The following NT5C1B variants were observed in gnomAD, a reference collection of about 807,000 sequenced individuals.
NT5C1B encodes the protein cytosolic 5'-nucleotidase 1B.
Under a neutral mutation model 57.8 loss-of-function variants are expected in NT5C1B, and 44 were observed. The observed-to-expected ratio is 0.76, with a 90% confidence interval of 0.60 to 0.98. The LOEUF is 0.98. Among genes scored for constraint, NT5C1B ranks in the 50% least tolerant of loss-of-function variants. The pLI is 0.00. For synonymous variants in NT5C1B, 284 were observed against 282.6 expected (o/e 1.00, Z -0.05); for missense variants, 742 against 719.5 (o/e 1.03, Z -0.36).
chr2:18,563,859 A>C lies in NT5C1B; in HGVS notation c.1590T>G (p.Ile530Met), dbSNP rs753661424. The C allele has an allele frequency of 5.6e-6, 9 of 1,612,700 alleles. No individual in the cohort carries two copies. In the Admixed American group the frequency reaches 1.2e-4, roughly 21 times the overall value. Residue 530 changes from isoleucine (I) to methionine (M), a missense_variant, in exon 9 of 9, where the codon ATT (isoleucine) becomes ATG (methionine). By Grantham distance (10) the Ile-to-Met change is conservative. Transcript: ENST00000304081. ...TGGAACCTAACCTCTGTGCCCCTTC[A>C]ATGTGGAACATGTGGTCATCAAAGA...
chr2:18,571,708 C>CTGTGTG lies in NT5C1B; in HGVS notation c.1329+4470_1329+4475dup, dbSNP rs1381694139. Among the ~76,000 whole-genome samples the CTGTGTG allele has an allele frequency of 5.8e-3, 545 of 94,202 alleles. 8 individuals are homozygous for CTGTGTG. Among genetic ancestry groups the CTGTGTG allele is most frequent in the African/African-American group, 0.014 (240 of 17,560 alleles). The allele number at this position is 94,202 out of a possible 152,430, so 61.8% of individuals were successfully genotyped here. On this transcript the variant is annotated intron_variant, in intron 8 of 8. Transcript: ENST00000304081. ...GACTGTACTCTCTCTCTCTTTCTCT[C>CTGTGTG]TGTGTGTGTGTATATATATATATAT...
chr2:18,582,565 C>T (rs1485063110), intron 6 of NT5C1B, among the ~76,000 whole-genome samples: 2 of 152,182 alleles, frequency 1.3e-5, no homozygotes, highest in East Asian at 3.8e-4. Flanking sequence ...TTGACGGCTT[C>T]TTGAAGTCAA....
At chr2:18,582,092 A>G (rs533280571) in intron 6 of NT5C1B, among the ~76,000 whole-genome samples, 42 of 152,312 alleles carry the variant, frequency 2.8e-4, no homozygotes, top group African/African-American at 9.9e-4. Flanking sequence ...TCTATGTTAA[A>G]TTTTTATGTT....
At chr2:18,580,887 T>G (rs1300210072) in intron 6 of NT5C1B, among the ~76,000 whole-genome samples, 4 of 152,110 alleles carry the variant, frequency 2.6e-5, no homozygotes, top group Non-Finnish European at 4.4e-5. Context: ...GAGCTAAACA[T>G]TGAGTACACA....
chr2:18,571,708 C>CTGTGTGTG (rs1381694139), intron 8 of NT5C1B, among the ~76,000 whole-genome samples: 14 of 94,294 alleles, frequency 1.5e-4, no homozygotes, highest in African/African-American at 7.9e-4. Context: ...CTCTTTCTCT[C>CTGTGTGTG]TGTGTGTGTG....
At chr2:18,587,699 C>T in intron 1 of NT5C1B, 107 bp from the exon 2 acceptor site, 1 of 1,318,078 alleles carries the variant, frequency 7.6e-7, no homozygotes, top group East Asian at 2.4e-5. Flanking sequence ...ATTTATTTGC[C>T]AATATAAAAA....
chr2:18,563,426 A>C (rs1664349509), exon 9 of NT5C1B: 1 of 163,570 alleles, frequency 6.1e-6, no homozygotes. Context: ...TACAATGCTG[A>C]TGGGTAACAA....
At chr2:18,563,792 G>C in exon 9 of NT5C1B, 1 of 1,531,360 alleles carries the variant, frequency 6.5e-7, no homozygotes, top group Non-Finnish European at 8.8e-7. Context: ...TCTCCTCCCT[G>C]CCCCTAACTA....
chr2:18,582,738 A>C (rs1047059857), intron 6 of NT5C1B, 130 bp downstream of exon 6: 7 of 1,373,760 alleles, frequency 5.1e-6, no homozygotes, highest in Non-Finnish European at 6.8e-6. Flanking sequence ...GCAAATAAAC[A>C]TTCCTGGCGC....
chr2:18,564,332 GC>G (rs1411202665), intron 8 of NT5C1B, among the ~76,000 whole-genome samples: 1 of 152,146 alleles, frequency 6.6e-6, no homozygotes, highest in Non-Finnish European at 1.5e-5. Flanking sequence ...CCTGGAATGT[GC>G]CTAAAATGAC....
chr2:18,577,819 A>C (rs1285703309), intron 6 of NT5C1B, among the ~76,000 whole-genome samples: 1 of 152,126 alleles, frequency 6.6e-6, no homozygotes, highest in African/African-American at 2.4e-5. Context: ...AAAAAACCAA[A>C]AGTTTGTTAT....
At chr2:18,578,925 T>C (rs1437692276) in intron 6 of NT5C1B, among the ~76,000 whole-genome samples, 6 of 152,184 alleles carry the variant, frequency 3.9e-5, no homozygotes, top group Non-Finnish European at 8.8e-5. Context: ...TTCCTAGCTC[T>C]GATAATAACT....
chr2:18,576,486 G>C, intron 7 of NT5C1B, 118 bp from the exon 8 acceptor site: 1 of 1,364,126 alleles, frequency 7.3e-7, no homozygotes, highest in Non-Finnish European at 9.8e-7. Context: ...TTACCTGATG[G>C]CTCAACTCCT....
chr2:18,564,172 A>T (rs773155243), intron 8 of NT5C1B, 53 bp from the exon 9 acceptor site: 16 of 1,502,722 alleles, frequency 1.1e-5, no homozygotes, highest in Non-Finnish European at 1.3e-5. Context: ...AAGAAAGTGA[A>T]TGCTAAAAAG....
At position 18,584,064 on chromosome 2, in the gene NT5C1B, G is replaced by A; in HGVS notation, c.891+24C>T. On this transcript the variant is annotated intron_variant, in intron 5 of 8. Coordinates refer to ENST00000304081, the Ensembl canonical transcript of NT5C1B. This position sits in a 1 kb window ranked among gnomAD's most constrained non-coding sequence, Gnocchi z 5.8. ...TCCCTCGCCATCGAGTGTCCTGGCG[G>A]GCCAAAGACAGCTTGCAGAATACCT... 2 of 1,614,178 alleles carry A rather than the reference G, an allele frequency of 1.2e-6. No individual in the cohort carries two copies. The highest frequency in any genetic ancestry group is 1.7e-6 in the Non-Finnish European group (2 of 1,180,034).
At chr2:18,573,445 T>TAC (rs112972669) in intron 8 of NT5C1B, among the ~76,000 whole-genome samples, 155 of 150,424 alleles carry the variant, frequency 1.0e-3, no homozygotes, top group East Asian at 3.3e-3. Context: ...AAAATTCTGA[T>TAC]ACACACACAC....
Position 18,563,796 on chromosome 2 carries a change from CT to C in NT5C1B, c.1652del (p.Ter551TrpfsTer7), listed in dbSNP as rs551143562. 13 of 1,540,282 alleles carry C rather than the reference CT, an allele frequency of 8.4e-6. No homozygotes were observed. The highest frequency in any genetic ancestry group is 1.1e-5 in the Non-Finnish European group (13 of 1,140,436). On this transcript the variant is annotated frameshift_variant and stop_lost, in exon 9 of 9. Coordinates refer to ENST00000304081, the Ensembl canonical transcript of NT5C1B. LOFTEE classifies it high-confidence loss of function. ...ACCACTTTATTTCTCCTCCCTGCCC[CT>C]AACTACTGAATTTTTTATTAAAGCC...
In NT5C1B at chr2:18,584,914, G is replaced by A. The variant is rs1212433610; in HGVS notation, c.323C>T (p.Pro108Leu). Residue 108 changes from proline to leucine, a missense_variant, in exon 4 of 9, where the codon CCG (proline) becomes CTG (leucine). Transcript: ENST00000304081. The surrounding 1 kb of genome is among the most constrained non-coding windows in gnomAD (Gnocchi z 5.8). ...CGAGGGCTGCCCGGACAGCGGCGGC[G>A]GTGAGGAGTCATGCAGGCTTGGGGA... 1.3e-6 allele frequency: 2 copies of A among 1,551,142 alleles called. No homozygotes were observed. The highest frequency in any genetic ancestry group is 1.4e-5 in the African/African-American group (1 of 73,760).
At chr2:18,569,942 C>A (rs372544539) in intron 8 of NT5C1B, among the ~76,000 whole-genome samples, 53 of 152,088 alleles carry the variant, frequency 3.5e-4, no homozygotes, top group African/African-American at 1.2e-3. Context: ...TCAAGATAGA[C>A]CATATTCTTG....
Sources: allele counts gnomAD v4.1 joint callset (sites outside exome capture counted in the v4.1 genomes callset), GRCh38; gene constraint gnomAD v4.1.1; non-coding constraint Gnocchi (gnomAD v3.1); transcripts MANE v1.5; gene names NCBI Gene and HGNC (gene_info 2026-07-23, HGNC 2026-07-21).